CAMTA1: variants seen among roughly 807,000 people sequenced by gnomAD.
CAMTA1 encodes calmodulin binding transcription activator 1, also known as calmodulin-binding transcription activator 1.
A neutral mutation model predicts 170.9 loss-of-function variants in CAMTA1; 27 were observed. That is an observed-to-expected ratio of 0.16 (90% CI 0.12 to 0.22). The LOEUF is 0.22. Among genes scored for constraint, CAMTA1 ranks in the 10% least tolerant of loss-of-function variants. The pLI is 1.00. For synonymous variants in CAMTA1, 833 were observed against 891.5 expected (o/e 0.93, Z 1.17); for missense variants, 1,619 against 2,217.2 (o/e 0.73, Z 5.42).
At chr1:7,632,619 G>A (rs2148870413) in intron 6 of CAMTA1, among the ~76,000 whole-genome samples, 1 of 152,368 alleles carries the variant, frequency 6.6e-6, no homozygotes, top group South Asian at 2.1e-4. Flanking sequence ...TCCACAGAAA[G>A]GGGTCCTGGC....
At chr1:7,628,082 A>G (rs898166472) in intron 6 of CAMTA1, among the ~76,000 whole-genome samples, 34 of 152,182 alleles carry the variant, frequency 2.2e-4, no homozygotes, top group African/African-American at 8.0e-4. Context: ...GAGTTGCTGA[A>G]AAGTCTTGAG....
intron 4 of CAMTA1, among the ~76,000 whole-genome samples, chr1:7,172,185 T>C (rs1649761047): frequency 6.6e-6 from 1 of 152,130 alleles, no homozygotes; most frequent in Non-Finnish European, 1.5e-5. Flanking sequence ...GGAGTCTCGC[T>C]GTTGCCCAGG....
intron 3 of CAMTA1, among the ~76,000 whole-genome samples, chr1:6,852,832 C>T (rs1418467099): frequency 2.0e-5 from 3 of 152,220 alleles, no homozygotes; most frequent in Non-Finnish European, 4.4e-5. Flanking sequence ...TAACCTCTCT[C>T]CCTTCCCAGG....
rs1415256236 is a variant in CAMTA1 at position 7,293,239 on chromosome 1, G to T, written c.438+43613G>T. Among the ~76,000 whole-genome samples, 1 of 152,168 alleles carries T rather than the reference G, an allele frequency of 6.6e-6. No individual in the cohort carries two copies. Among genetic ancestry groups the T allele is most frequent in the African/African-American group, 2.4e-5 (1 of 41,430 alleles). On this transcript the variant is annotated intron_variant, in intron 5 of 22. Coordinates refer to ENST00000303635, the MANE Select transcript of CAMTA1 (RefSeq NM_015215.4). The surrounding 1 kb of genome is among the most constrained non-coding windows in gnomAD (Gnocchi z 4.1). ...GGGGAGCAAATGCAGACCTTGTCTG[G>T]GTGATGAGAGACCGCCACTCGTCTC...
rs546560491 is a variant in CAMTA1, at chr1:7,159,062, AT to A, written c.302+67701del. On this transcript the variant is annotated intron_variant, in intron 4 of 22. Coordinates refer to ENST00000303635, the MANE Select transcript of CAMTA1 (RefSeq NM_015215.4). Reference sequence around the variant, plus strand: ...TTCTATGTATGAAGTGTTACGTACTATTTTTTTTTTAATTATATGGCTCTTA... The same window carrying A: ...TTCTATGTATGAAGTGTTACGTACTATTTTTTTTTAATTATATGGCTCTTA... Among the ~76,000 whole-genome samples, 341 of 148,606 alleles carry A rather than the reference AT, an allele frequency of 2.3e-3. 3 individuals are homozygous for A. Among genetic ancestry groups the A allele is most frequent in the Admixed American group, 5.8e-3 (86 of 14,850 alleles).
chr1:6,859,075 A>G (rs956096711), intron 3 of CAMTA1, among the ~76,000 whole-genome samples: 3 of 152,236 alleles, frequency 2.0e-5, no homozygotes, highest in Admixed American at 6.5e-5. Context: ...AAAAATTCTA[A>G]TAACAGGAGT....
intron 5 of CAMTA1, among the ~76,000 whole-genome samples, chr1:7,432,158 G>A (rs999333303): frequency 1.3e-5 from 2 of 152,216 alleles, no homozygotes; most frequent in African/African-American, 2.4e-5. Context: ...AGCCGGAGCT[G>A]TGAGAACCGC....
intron 3 of CAMTA1, among the ~76,000 whole-genome samples, chr1:6,855,606 G>A (rs1033933334): frequency 2.0e-5 from 3 of 151,960 alleles, no homozygotes; most frequent in African/African-American, 4.8e-5. Flanking sequence ...CCTCCCACCA[G>A]GCCCCACCTC....
At chr1:7,143,806 T>C (rs2148633542) in intron 4 of CAMTA1, among the ~76,000 whole-genome samples, 1 of 152,368 alleles carries the variant, frequency 6.6e-6, no homozygotes, top group South Asian at 2.1e-4. Flanking sequence ...ATACTAAGTG[T>C]ACTAATTTCA....
At chr1:7,405,378 G>A (rs2090213711) in intron 5 of CAMTA1, among the ~76,000 whole-genome samples, 1 of 151,750 alleles carries the variant, frequency 6.6e-6, no homozygotes, top group African/African-American at 2.4e-5. Flanking sequence ...GTTTGCTGTT[G>A]TTGTTATTTT....
intron 3 of CAMTA1, among the ~76,000 whole-genome samples, chr1:6,867,769 A>G (rs141767188): frequency 2.8e-4 from 43 of 152,270 alleles, no homozygotes; most frequent in African/African-American, 1.0e-3. Flanking sequence ...TAAAAATAAT[A>G]AACTTTGCTC....
At chr1:7,417,777 C>A (rs1310499062) in intron 5 of CAMTA1, among the ~76,000 whole-genome samples, 2 of 152,222 alleles carry the variant, frequency 1.3e-5, no homozygotes, top group African/African-American at 4.8e-5. Flanking sequence ...GTGCCGCACC[C>A]ACTGTCCTGC....
intron 4 of CAMTA1, among the ~76,000 whole-genome samples, chr1:7,125,443 C>T (rs1030320126): frequency 6.6e-6 from 1 of 152,116 alleles, no homozygotes; most frequent in African/African-American, 2.4e-5. Context: ...TGCAATAGAG[C>T]CAAACAGACC....
chr1:7,764,817 A>T (rs1426418349), intron 22 of CAMTA1, among the ~76,000 whole-genome samples: 1 of 151,982 alleles, frequency 6.6e-6, no homozygotes. Context: ...AAAATTAGCT[A>T]GGCGTGGTGG....
At chr1:6,816,861 G>A (rs1645886401) in intron 1 of CAMTA1, among the ~76,000 whole-genome samples, 1 of 152,218 alleles carries the variant, frequency 6.6e-6, no homozygotes, top group Non-Finnish European at 1.5e-5. Context: ...CCAGTGTTTG[G>A]CACAGGGGTA....
At chr1:6,942,219 C>T (rs1686775430) in intron 3 of CAMTA1, among the ~76,000 whole-genome samples, 1 of 151,890 alleles carries the variant, frequency 6.6e-6, no homozygotes, top group South Asian at 2.1e-4. Context: ...GCAAGTTGCC[C>T]CAGCAATTTA....
intron 3 of CAMTA1, among the ~76,000 whole-genome samples, chr1:7,034,745 C>T (rs765674275): frequency 3.9e-5 from 6 of 152,120 alleles, no homozygotes; most frequent in Non-Finnish European, 5.9e-5. Flanking sequence ...CTGACCTCGC[C>T]GTTCTTCACT....
chr1:7,434,810 G>A (rs974383572), intron 5 of CAMTA1, among the ~76,000 whole-genome samples: 3 of 151,494 alleles, frequency 2.0e-5, no homozygotes, highest in African/African-American at 4.9e-5. Flanking sequence ...GGAGACCGAG[G>A]CAGGCTGATC....
intron 6 of CAMTA1, among the ~76,000 whole-genome samples, chr1:7,473,863 G>A (rs1037603689): frequency 1.3e-5 from 2 of 152,238 alleles, no homozygotes; most frequent in African/African-American, 4.8e-5. Flanking sequence ...TGTGGAACGC[G>A]ATGGCCTCTC....
Sources: allele counts gnomAD v4.1 joint callset (sites outside exome capture counted in the v4.1 genomes callset), GRCh38; gene constraint gnomAD v4.1.1; non-coding constraint Gnocchi (gnomAD v3.1); transcripts MANE v1.5; gene names NCBI Gene and HGNC (gene_info 2026-07-23, HGNC 2026-07-21).